CCDC127: variants seen among roughly 807,000 people sequenced by gnomAD.
CCDC127 encodes coiled-coil domain-containing protein 127.
In CCDC127, 2 loss-of-function variants were observed where a neutral mutation model predicts 4.1. That is an observed-to-expected ratio of 0.49 (90% confidence interval 0.20 to 1.53). The LOEUF (loss-of-function observed/expected upper bound fraction) is 1.53, where lower values mean the gene tolerates loss of function less well. Among genes scored for constraint, CCDC127 ranks in the 40% most tolerant of loss-of-function variants. The probability of loss-of-function intolerance (pLI) is 0.23; values close to 1 mark genes in which losing one functional copy is unlikely to be tolerated. For missense variants in CCDC127, 271 were observed against 322.9 expected, an observed-to-expected ratio of 0.84 and a Z score of 1.23; for synonymous variants, 98 against 120.4, an observed-to-expected ratio of 0.81 and a Z score of 1.22.
At chr5:209,867 G>A (rs1734244071) in intron 2 of CCDC127, among the ~76,000 whole-genome samples, 1 of 151,644 alleles carries the variant, frequency 6.6e-6, no homozygotes, top group Non-Finnish European at 1.5e-5. Flanking sequence ...GAAAAATCAC[G>A]ATTCCATCAA....
intron 2 of CCDC127, among the ~76,000 whole-genome samples, chr5:213,271 C>T (rs71583066): frequency 4.4e-3 from 252 of 57,306 alleles, no homozygotes; most frequent in Middle Eastern, 0.028. Flanking sequence ...TGCTCGACAT[C>T]GCACACTGCA....
chr5:207,832 G>A (rs1734208612), intron 2 of CCDC127, among the ~76,000 whole-genome samples: 1 of 152,162 alleles, frequency 6.6e-6, no homozygotes, highest in Non-Finnish European at 1.5e-5. Flanking sequence ...AGGAGACAGG[G>A]AGCTGCTCCC....
intron 2 of CCDC127, among the ~76,000 whole-genome samples, chr5:207,210 C>A (rs1030305186): frequency 6.6e-6 from 1 of 152,166 alleles, no homozygotes; most frequent in Non-Finnish European, 1.5e-5. Flanking sequence ...GAAAGCCAGT[C>A]CCCCTTGGAT....
rs1734045103 is a variant in CCDC127 at position 200,046 on chromosome 5, G to C, written c.*5251C>G. ...GTTGGGGCGGCCATGCTGGCACAAA[G>C]GGCTCCCGTGAATCTGGAGCTCACC... On this transcript the variant is annotated 3_prime_UTR_variant, in exon 3 of 3. Transcript: ENST00000296824. 1 of 152,250 alleles carries C rather than the reference G, an allele frequency of 6.6e-6. No individual in the cohort carries two copies. The highest frequency in any genetic ancestry group is 1.5e-5 in the Non-Finnish European group (1 of 68,106). The allele number at this position is 152,250 out of a possible 1,614,324, so 9.4% of individuals were successfully genotyped here.
At chr5:210,958 C>T (rs1441834336) in intron 2 of CCDC127, among the ~76,000 whole-genome samples, 1 of 73,812 alleles carries the variant, frequency 1.4e-5, no homozygotes, top group Non-Finnish European at 2.4e-5. Context: ...ACACTGCAGC[C>T]ACGATGAGAC....
chr5:216,068 T>TC (rs1734375150), intron 2 of CCDC127: 1 of 150,308 alleles, frequency 6.7e-6, no homozygotes, highest in Admixed American at 6.6e-5. Context: ...GGTTTTCTTT[T>TC]TTTTTTTTTT....
rs1733999269 is a variant in CCDC127, at chr5:197,906, C to A, written c.*7391G>T. Reference sequence around the variant, plus strand: ...TCACCCCACTCCAGGTGTGCCCCCACCCCTGCTGCCCCGTGTCTCCCCCTC... The same window carrying A: ...TCACCCCACTCCAGGTGTGCCCCCAACCCTGCTGCCCCGTGTCTCCCCCTC... On this transcript the variant is annotated 3_prime_UTR_variant, in exon 3 of 3. Coordinates refer to ENST00000296824, the MANE Select transcript of CCDC127 (RefSeq NM_145265.3). 1 of 113,244 alleles carries A rather than the reference C, an allele frequency of 8.8e-6. No homozygotes were observed. Among genetic ancestry groups the A allele is most frequent in the Non-Finnish European group, 2.1e-5 (1 of 48,168 alleles). 7.0% of individuals were successfully genotyped at this position (113,244 alleles called of 1,614,324 possible). A position where few individuals can be genotyped will look rare whatever the true frequency, so the allele number is the denominator to read the frequency against.
chr5:205,257 G>A lies in CCDC127; in HGVS notation c.*40C>T. ...AGACCCAGAAGGCGCATGACTGCCTGGCCTCGAGTCACTAAAAGCAGTTTG... is the reference window on the plus strand; with the variant it reads ...AGACCCAGAAGGCGCATGACTGCCTAGCCTCGAGTCACTAAAAGCAGTTTG... On this transcript the variant is annotated 3_prime_UTR_variant, in exon 3 of 3. Coordinates refer to ENST00000296824, the MANE Select transcript of CCDC127 (RefSeq NM_145265.3). The A allele has an allele frequency of 6.4e-7, 1 of 1,557,122 alleles. No individual in the cohort carries two copies. Among genetic ancestry groups the A allele is most frequent in the Non-Finnish European group, 8.7e-7 (1 of 1,145,446 alleles).
intron 2 of CCDC127, chr5:216,260 C>A: frequency 5.3e-6 from 1 of 189,254 alleles, no homozygotes; most frequent in South Asian, 9.7e-5. Flanking sequence ...CTGTGTTGCT[C>A]AGGCTGGTCA....
At chr5:210,785 C>G (rs867081668) in intron 2 of CCDC127, among the ~76,000 whole-genome samples, 10 of 89,584 alleles carry the variant, frequency 1.1e-4, no homozygotes, top group Admixed American at 2.4e-4. Context: ...GCAGCCACGA[C>G]GAGACAGCAC....
rs1297681384 is a variant in CCDC127, at chr5:200,638, C to T, written c.*4659G>A. On this transcript the variant is annotated 3_prime_UTR_variant, in exon 3 of 3. Coordinates refer to ENST00000296824, the MANE Select transcript of CCDC127 (RefSeq NM_145265.3). ...ATTCTTGACCTGAAGTTTCACGAGACAGCCTTAAATCCCTCTTTAACTTTC... is the reference window on the plus strand; with the variant it reads ...ATTCTTGACCTGAAGTTTCACGAGATAGCCTTAAATCCCTCTTTAACTTTC... The T allele has an allele frequency of 6.6e-6, 1 of 152,284 alleles. No individual in the cohort carries two copies. Among genetic ancestry groups the T allele is most frequent in the Non-Finnish European group, 1.5e-5 (1 of 68,054 alleles). 9.4% of individuals were successfully genotyped at this position (152,284 alleles called of 1,614,324 possible).
At position 205,318 on chromosome 5, in the gene CCDC127, C is replaced by G. The variant is rs375546131; in HGVS notation, c.762G>C (p.Glu254Asp). ...VVELKKFKRVEEAILEK is the reference protein window; with the variant it reads ...VVELKKFKRVDEAILEK ...TGTCTTACTTTTCTAGTATGGCTTC[C>G]TCTACTCTCTTAAACTTCTTCAGTT... is the stretch of plus-strand genomic sequence containing the variant. The change falls in exon 3 of 3, where the codon GAG becomes GAC. Residue 254 changes from glutamate (E) to aspartate (D), a missense_variant. By Grantham distance (45) the Glu-to-Asp change is conservative. Around this residue, in one of 2 missense-constraint regions of CCDC127, gnomAD observed 265 missense variants for 270.9 expected, o/e 0.98. Coordinates refer to ENST00000296824, the MANE Select transcript of CCDC127 (RefSeq NM_145265.3). 2 of 1,610,500 alleles carry G rather than the reference C, an allele frequency of 1.2e-6. No homozygotes were observed. The highest frequency in any genetic ancestry group is 2.7e-5 in the African/African-American group (2 of 74,840).
In CCDC127 at chr5:203,143, C is replaced by G. The variant is rs1734104463; in HGVS notation, c.*2154G>C. 1 of 152,338 alleles carries G rather than the reference C, an allele frequency of 6.6e-6. No individual in the cohort carries two copies. The highest frequency in any genetic ancestry group is 2.4e-5 in the African/African-American group (1 of 41,446). 9.4% of individuals were successfully genotyped at this position (152,338 alleles called of 1,614,324 possible). On this transcript the variant is annotated 3_prime_UTR_variant, in exon 3 of 3. Transcript: ENST00000296824. Reference sequence around the variant, plus strand: ...ATCCCAGCTACCCAGGAGGCTGAGGCAGGAGAATCGCTTGAACCCAGGAGG... The same window carrying G: ...ATCCCAGCTACCCAGGAGGCTGAGGGAGGAGAATCGCTTGAACCCAGGAGG...
intron 2 of CCDC127, among the ~76,000 whole-genome samples, chr5:213,284 CACG>C (rs1239992754): frequency 2.4e-5 from 2 of 81,960 alleles, no homozygotes; most frequent in Non-Finnish European, 4.4e-5. Context: ...ACACTGCAGC[CACG>C]ACGAGACAGC....
In CCDC127 at chr5:202,617, C is replaced by CTGGGTCAG. The variant is rs1235204177; in HGVS notation, c.*2679_*2680insCTGACCCA. Reference sequence around the variant, plus strand: ...TGCTCGTCTTCCTAACTCTGCAGGACCGGGTCAGCGGGTCAGTGTCCACAC... The same window carrying CTGGGTCAG: ...TGCTCGTCTTCCTAACTCTGCAGGACTGGGTCAGCGGGTCAGCGGGTCAGTGTCCACAC... On this transcript the variant is annotated 3_prime_UTR_variant, in exon 3 of 3. Transcript: ENST00000296824. 7 of 152,216 alleles carry CTGGGTCAG rather than the reference C, an allele frequency of 4.6e-5. No homozygotes were observed. The highest frequency in any genetic ancestry group is 4.6e-4 in the Admixed American group (7 of 15,286). 9.4% of individuals were successfully genotyped at this position (152,216 alleles called of 1,614,324 possible). A position where few individuals can be genotyped will look rare whatever the true frequency, so the allele number is the denominator to read the frequency against.
Position 205,606 on chromosome 5 carries a change from CA to C in CCDC127, c.473del (p.Leu158CysfsTer2), listed in dbSNP as rs1734155871. 1 of 1,614,104 alleles carries C rather than the reference CA, an allele frequency of 6.2e-7. No individual in the cohort carries two copies. The highest frequency in any genetic ancestry group is 1.3e-5 in the African/African-American group (1 of 74,938). On this transcript the variant is annotated frameshift_variant, in exon 3 of 3. Transcript: ENST00000296824. LOFTEE classifies it low-confidence loss of function (END_TRUNC). ...EENWQRRARL[L>X]LKEFEAVLTE... is the part of the protein sequence containing the mutation. ...TGAGAACAGCTTCAAATTCTTTCAG[CA>C]AAAGCCTGGCTCTCCTTTGCCAGTT...
rs1204293552 is a variant in CCDC127, at chr5:196,999, G to A, written c.*8298C>T. 1.3e-5 allele frequency: 2 copies of A among 151,304 alleles called. No homozygotes were observed. Among genetic ancestry groups the A allele is most frequent in the African/African-American group, 2.4e-5 (1 of 40,908 alleles). The allele number at this position is 151,304 out of a possible 1,614,324, so 9.4% of individuals were successfully genotyped here. A position where few individuals can be genotyped will look rare whatever the true frequency, so the allele number is the denominator to read the frequency against. On this transcript the variant is annotated 3_prime_UTR_variant, in exon 3 of 3. Transcript: ENST00000296824. ...TTCAGCAAAAAGGAATGTAGTAGGA[G>A]AGCAGGGTGATAATAAGGAGGAGGT...
At position 218,145 on chromosome 5, in the gene CCDC127, GT is replaced by G. The variant is rs1476205597; in HGVS notation, c.-64del. On this transcript the variant is annotated 5_prime_UTR_variant, in exon 1 of 3. Transcript: ENST00000296824. ...GTTCCCTTAACGCCACCGTCCGCGG[GT>G]CCGCTTTGCGCAGGCGCGGCGCCCC... 1 of 1,240,474 alleles carries G rather than the reference GT, an allele frequency of 8.1e-7. No individual in the cohort carries two copies. The highest frequency in any genetic ancestry group is 1.0e-6 in the Non-Finnish European group (1 of 990,778). 76.8% of individuals were successfully genotyped at this position (1,240,474 alleles called of 1,614,324 possible).
chr5:206,826 C>A (rs74998743), intron 2 of CCDC127, among the ~76,000 whole-genome samples: 1 of 152,190 alleles, frequency 6.6e-6, no homozygotes, highest in Non-Finnish European at 1.5e-5. Context: ...AAAAGCAGCA[C>A]GGAGTTGAGT....
Sources: allele counts gnomAD v4.1 joint callset (sites outside exome capture counted in the v4.1 genomes callset), GRCh38; gene constraint gnomAD v4.1.1; regional missense constraint gnomAD v4.1.1; transcripts MANE v1.5; gene names NCBI Gene and HGNC (gene_info 2026-07-23, HGNC 2026-07-21).